POGK: variants seen among roughly 807,000 people sequenced by gnomAD.
POGK encodes the protein pogo transposable element derived with KRAB domain, also known as pogo transposable element with KRAB domain.
A neutral mutation model predicts 54.4 loss-of-function variants in POGK; 16 were observed. The ratio of observed to expected loss-of-function variants is 0.29; its 90% CI spans 0.20 to 0.45. The LOEUF (loss-of-function observed/expected upper bound fraction) is 0.45. Among genes scored for constraint, POGK ranks in the 20% least tolerant of loss-of-function variants. The probability of loss-of-function intolerance (pLI) is 1.00; values close to 1 mark genes in which losing one functional copy is unlikely to be tolerated. For missense variants in POGK, 515 were observed against 795.6 expected (o/e 0.65, Z 4.24); for synonymous variants, 271 against 302.2 (o/e 0.90, Z 1.07).
chr1:166,853,811 C>T lies in POGK; in HGVS notation c.*1241C>T, dbSNP rs1658173458. ...TGGCATCTTGAAACACCTATTTCTA[C>T]TCAGGTACTCATTGTCCTGTTACTG... On this transcript the variant is annotated 3_prime_UTR_variant, in exon 6 of 6. Coordinates refer to ENST00000367876, the MANE Select transcript of POGK (RefSeq NM_017542.5). 6.6e-6 allele frequency: 1 copy of T among 152,074 alleles called. No homozygotes were observed. Among genetic ancestry groups the T allele is most frequent in the Admixed American group, 6.6e-5 (1 of 15,258 alleles). 9.4% of individuals were successfully genotyped at this position (152,074 alleles called of 1,614,324 possible). A position where few individuals can be genotyped will look rare whatever the true frequency, so the allele number is the denominator to read the frequency against.
chr1:166,845,139 A>G (rs937838231), intron 2 of POGK, among the ~76,000 whole-genome samples: 18 of 151,848 alleles, frequency 1.2e-4, no homozygotes, highest in Admixed American at 1.0e-3. Context: ...CCAAAACGCA[A>G]CCCCACCATT....
chr1:166,844,420 G>C (rs546779608), intron 2 of POGK, among the ~76,000 whole-genome samples: 14 of 152,318 alleles, frequency 9.2e-5, no homozygotes, highest in African/African-American at 3.4e-4. Flanking sequence ...ATTGGGAAAG[G>C]AGTAGGGTGG....
intron 2 of POGK, among the ~76,000 whole-genome samples, chr1:166,845,244 GC>G (rs1483427387): frequency 1.3e-5 from 2 of 151,770 alleles, no homozygotes; most frequent in Admixed American, 1.3e-4. Flanking sequence ...TCTAATCCCA[GC>G]TACTAGGGAG....
At chr1:166,850,545 TC>T (rs987595786) in intron 5 of POGK, 122 bp downstream of exon 5, 129 of 1,185,078 alleles carry the variant, frequency 1.1e-4, no homozygotes, top group Admixed American at 2.1e-4. Context: ...GTAGTGTAGA[TC>T]AGGGGTCCCC....
chr1:166,850,531 T>A, intron 5 of POGK, 108 bp downstream of exon 5: 1 of 1,289,684 alleles, frequency 7.8e-7, no homozygotes, highest in Non-Finnish European at 1.0e-6. Flanking sequence ...GAGCCTACAG[T>A]GCAGTAGTGT....
In POGK at chr1:166,850,049, T is replaced by C; in HGVS notation, c.1470T>C (p.Thr490=). The change falls in exon 5 of 6, where the codon ACT becomes ACC. Residue 490 remains threonine, a synonymous_variant. Transcript: ENST00000367876. The part of the protein sequence containing the change: ...SVKNSMESMN[T]DMVIIPGGLT... ...AGAACTCCATGGAAAGCATGAACAC[T>C]GACATGGTGATCATCCCAGGGGGTC... 6.2e-7 allele frequency: 1 copy of C among 1,614,208 alleles called. No individual in the cohort carries two copies.
intron 2 of POGK, among the ~76,000 whole-genome samples, chr1:166,845,106 C>T (rs1182417481): frequency 6.6e-6 from 1 of 152,128 alleles, no homozygotes; most frequent in Non-Finnish European, 1.5e-5. Flanking sequence ...TTGCTGGATC[C>T]TTGGGGTCAG....
Position 166,846,676 on chromosome 1 carries a change from A to C in POGK, c.197A>C (p.Glu66Ala). ...FSDEEWEVLT[E>A]QQKALYREVM... is the part of the protein sequence containing the mutation. The stretch of plus-strand genomic sequence containing the variant: ...GATGAGGAATGGGAAGTTTTGACGG[A>C]GCAACAAAAGGCCCTCTACCGGGAA... Residue 66 changes from glutamate (E) to alanine (A), a missense_variant, in exon 3 of 6, where the codon GAG becomes GCG. This residue lies in a region of POGK where 461 missense variants were observed against 743.5 expected (regional missense o/e 0.62). Coordinates refer to ENST00000367876, the MANE Select transcript of POGK (RefSeq NM_017542.5). 6.2e-7 allele frequency: 1 copy of C among 1,614,178 alleles called. No individual in the cohort carries two copies.
Position 166,855,992 on chromosome 1 carries a change from T to G in POGK, c.*3422T>G, listed in dbSNP as rs112833963. The G allele has an allele frequency of 1.5e-3, 229 of 152,304 alleles. No homozygotes were observed. The highest frequency in any genetic ancestry group is 5.4e-3 in the African/African-American group (224 of 41,554). The allele number at this position is 152,304 out of a possible 1,614,324, so 9.4% of individuals were successfully genotyped here. A position where few individuals can be genotyped will look rare whatever the true frequency, so the allele number is the denominator to read the frequency against. On this transcript the variant is annotated 3_prime_UTR_variant, in exon 6 of 6. Coordinates refer to ENST00000367876, the MANE Select transcript of POGK (RefSeq NM_017542.5). Reference sequence around the variant, plus strand: ...CTTGTGCCAAGAACTGAAACTAAGCTATTGATTTTTTTTTAAGAAGTCTTA... The same window carrying G: ...CTTGTGCCAAGAACTGAAACTAAGCGATTGATTTTTTTTTAAGAAGTCTTA...
Position 166,855,956 on chromosome 1 carries a change from A to AAAACT in POGK, c.*3389_*3393dup, listed in dbSNP as rs1557906163. 1 of 152,234 alleles carries AAAACT rather than the reference A, an allele frequency of 6.6e-6. No individual in the cohort carries two copies. The highest frequency in any genetic ancestry group is 1.5e-5 in the Non-Finnish European group (1 of 68,042). 9.4% of individuals were successfully genotyped at this position (152,234 alleles called of 1,614,324 possible). A position where few individuals can be genotyped will look rare whatever the true frequency, so the allele number is the denominator to read the frequency against. On this transcript the variant is annotated 3_prime_UTR_variant, in exon 6 of 6. Coordinates refer to ENST00000367876, the MANE Select transcript of POGK (RefSeq NM_017542.5). ...AAAATTCTTACGTAGTTTCTCACCT[A>AAAACT]AAACTAATGGCTTGTGCCAAGAACT...
intron 2 of POGK, among the ~76,000 whole-genome samples, chr1:166,843,877 C>A (rs74467181): frequency 0.032 from 4,874 of 152,322 alleles, 123 homozygotes; most frequent in South Asian, 0.087. Flanking sequence ...GACTGAAGGT[C>A]CCTACCTGCA....
chr1:166,842,975 T>C (rs907938655), intron 2 of POGK, among the ~76,000 whole-genome samples: 2 of 152,194 alleles, frequency 1.3e-5, no homozygotes, highest in African/African-American at 4.8e-5. Flanking sequence ...ATTTTGGTTA[T>C]AGAGAATTAT....
chr1:166,848,972 G>C lies in POGK; in HGVS notation c.393G>C (p.Trp131Cys). The change falls in exon 5 of 6, where the codon TGG becomes TGC. Residue 131 changes from tryptophan (W) to cysteine (C), a missense_variant. Coordinates refer to ENST00000367876, the MANE Select transcript of POGK (RefSeq NM_017542.5). The stretch of plus-strand genomic sequence containing the variant: ...AATCTGACGTAAAGCCTCCAGACTG[G>C]CCAAACCCAATGAATGCTACCTCCC... The part of the protein sequence containing the change: ...NEESDVKPPD[W>C]PNPMNATSQF... 1.2e-6 allele frequency: 2 copies of C among 1,612,412 alleles called. No homozygotes were observed. The highest frequency in any genetic ancestry group is 1.7e-6 in the Non-Finnish European group (2 of 1,179,334).
In POGK at chr1:166,849,035, C is replaced by T; in HGVS notation, c.456C>T (p.Leu152=). The T allele has an allele frequency of 6.2e-7, 1 of 1,614,204 alleles. No homozygotes were observed. Among genetic ancestry groups the T allele is most frequent in the Non-Finnish European group, 8.5e-7 (1 of 1,180,042 alleles). ...PQPQHFDSFG[L]RLPRDITELP... ...CTCAGCACTTTGACAGCTTTGGCCT[C>T]CGTCTGCCTCGGGATATCACAGAGC... Residue 152 remains leucine, a synonymous_variant, in exon 5 of 6, where the codon CTC becomes CTT. Transcript: ENST00000367876.
chr1:166,854,617 AAT>A lies in POGK; in HGVS notation c.*2050_*2051del, dbSNP rs1433520681. The A allele has an allele frequency of 6.6e-6, 1 of 152,214 alleles. No homozygotes were observed. Among genetic ancestry groups the A allele is most frequent in the Non-Finnish European group, 1.5e-5 (1 of 68,044 alleles). The allele number at this position is 152,214 out of a possible 1,614,324, so 9.4% of individuals were successfully genotyped here. On this transcript the variant is annotated 3_prime_UTR_variant, in exon 6 of 6. Transcript: ENST00000367876. ...AGTGTTCATGAGATGCAGTGTAAGT[AAT>A]ATTGGTATCTGTGAAGACACAGGGA...
At position 166,849,999 on chromosome 1, in the gene POGK, C is replaced by T. The variant is rs1356980999; in HGVS notation, c.1420C>T (p.Arg474Trp). 3.1e-6 allele frequency: 5 copies of T among 1,614,054 alleles called. No individual in the cohort carries two copies. Among genetic ancestry groups the T allele is most frequent in the South Asian group, 1.1e-5 (1 of 91,082 alleles). The change falls in exon 5 of 6, where the codon CGG becomes TGG. Residue 474 changes from arginine (R) to tryptophan (W), a missense_variant. Arg to Trp is a moderately radical substitution (Grantham distance 101). Coordinates refer to ENST00000367876, the MANE Select transcript of POGK (RefSeq NM_017542.5). The stretch of plus-strand genomic sequence containing the variant: ...AGGGATGCTGATCTTGAATGGCTTC[C>T]GGGGCCATGCCACAGATTCCGTGAA... ...QRGMLILNGFRGHATDSVKNS... is the reference protein window; with the variant it reads ...QRGMLILNGFWGHATDSVKNS...
chr1:166,848,099 T>C (rs1011580402), intron 4 of POGK, among the ~76,000 whole-genome samples: 2 of 152,230 alleles, frequency 1.3e-5, no homozygotes, highest in Admixed American at 6.5e-5. Context: ...TGAATAAATA[T>C]AGCATTGCCT....
At chr1:166,840,705 G>A (rs924826449) in intron 1 of POGK, among the ~76,000 whole-genome samples, 2 of 152,158 alleles carry the variant, frequency 1.3e-5, no homozygotes, top group African/African-American at 2.4e-5. Flanking sequence ...AACCAGTCTG[G>A]GTTCTCTTCC....
intron 2 of POGK, among the ~76,000 whole-genome samples, chr1:166,842,041 T>C (rs1657539851): frequency 6.6e-6 from 1 of 151,928 alleles, no homozygotes; most frequent in Non-Finnish European, 1.5e-5. Flanking sequence ...GGCTCTCAGT[T>C]TGCCAGTCTA....
Sources: allele counts gnomAD v4.1 joint callset (sites outside exome capture counted in the v4.1 genomes callset), GRCh38; gene constraint gnomAD v4.1.1; regional missense constraint gnomAD v4.1.1; transcripts MANE v1.5; gene names NCBI Gene and HGNC (gene_info 2026-07-23, HGNC 2026-07-21).